PLIN2: variants seen among roughly 807,000 people sequenced by gnomAD.
PLIN2 encodes perilipin-2.
Under a neutral mutation model 30.6 loss-of-function variants are expected in PLIN2, and 33 were observed. The ratio of observed to expected loss-of-function variants is 1.08; its 90% confidence interval spans 0.82 to 1.44. PLIN2 has a LOEUF of 1.44. Ranked by LOEUF, PLIN2 falls within the 40% of genes most tolerant of loss-of-function variation. The pLI, the probability that PLIN2 is intolerant of heterozygous loss-of-function variation, is 0.00. For missense variants in PLIN2, 610 were observed against 531.8 expected, an observed-to-expected ratio of 1.15 and a Z score of -1.45; for synonymous variants, 205 against 201.1, an observed-to-expected ratio of 1.02 and a Z score of -0.16.
In PLIN2 at chr9:19,116,036, C is replaced by A; in HGVS notation, c.*212G>T. The A allele has an allele frequency of 2.1e-6, 1 of 465,258 alleles. No individual in the cohort carries two copies. Among genetic ancestry groups the A allele is most frequent in the Non-Finnish European group, 3.8e-6 (1 of 265,636 alleles). The allele number at this position is 465,258 out of a possible 1,614,324, so 28.8% of individuals were successfully genotyped here. A position where few individuals can be genotyped will look rare whatever the true frequency, so the allele number is the denominator to read the frequency against. ...TCTGAGTTCTGGCTATAGGCTCTGACAAGCCTATCATTCTTTTCTTACCAG... is the reference window on the plus strand; with the variant it reads ...TCTGAGTTCTGGCTATAGGCTCTGAAAAGCCTATCATTCTTTTCTTACCAG... On this transcript the variant is annotated 3_prime_UTR_variant, in exon 8 of 8. Transcript: ENST00000276914.
downstream of PLIN2, among the ~76,000 whole-genome samples, chr9:19,114,616 G>T (rs1383677241): frequency 6.6e-6 from 1 of 151,008 alleles, no homozygotes. Flanking sequence ...GTTGGTCAGG[G>T]TGGTGTCGAA....
At chr9:19,109,549 A>AG (rs1268074642) in intron 2 of PLIN2, among the ~76,000 whole-genome samples, 1 of 151,294 alleles carries the variant, frequency 6.6e-6, no homozygotes, top group Non-Finnish European at 1.5e-5. Context: ...TGAAAAAAAA[A>AG]AAAAAGAAAG....
At chr9:19,115,187 C>G (rs554505150), downstream of PLIN2, among the ~76,000 whole-genome samples, 23 of 152,250 alleles carry the variant, frequency 1.5e-4, 2 homozygotes, top group South Asian at 4.8e-3. Flanking sequence ...AGTTGGCAAA[C>G]AAAGAGGGCC....
Position 19,119,783 on chromosome 9 carries a change from C to T in PLIN2, c.644G>A (p.Ser215Asn), listed in dbSNP as rs531693327. 6.2e-7 allele frequency: 1 copy of T among 1,602,800 alleles called. No homozygotes were observed. Among genetic ancestry groups the T allele is most frequent in the East Asian group, 2.2e-5 (1 of 44,698 alleles). The stretch of plus-strand genomic sequence containing the variant: ...CAGGGATCCCAGTCTAACATAATAA[C>T]TTGGCTTCTGAACCAGATCAAATCC... ...VEGFDLVQKP[S>N]YYVRLGSLST... Residue 215 changes from serine (S) to asparagine (N), a missense_variant, in exon 6 of 8, where the codon AGT becomes AAT. Transcript: ENST00000276914.
chr9:19,126,262 A>ATAT lies in PLIN2; in HGVS notation c.77_78insATA (p.Thr25_Tyr26insTer), dbSNP rs1349828573. 1.2e-6 allele frequency: 2 copies of ATAT among 1,614,132 alleles called. No individual in the cohort carries two copies. The highest frequency in any genetic ancestry group is 2.7e-5 in the African/African-American group (2 of 75,044). On this transcript the variant is annotated stop_gained, in exon 3 of 8. Transcript: ENST00000276914. LOFTEE classifies it high-confidence loss of function. ...TGAGATAGGCTGAGGACATGAGGTCATACGTGGAGCTCACCAAGGGCAGGT... is the reference window on the plus strand; with the variant it reads ...TGAGATAGGCTGAGGACATGAGGTCATATTACGTGGAGCTCACCAAGGGCAGGT...
intron 4 of PLIN2, among the ~76,000 whole-genome samples, chr9:19,121,461 G>A (rs2131181664): frequency 7.1e-6 from 1 of 140,830 alleles, no homozygotes; most frequent in Admixed American, 7.5e-5. Context: ...ACTGCACTCA[G>A]CCTGGGTGAC....
chr9:19,119,969 C>T, intron 5 of PLIN2, 138 bp from the exon 6 acceptor site: 2 of 581,164 alleles, frequency 3.4e-6, no homozygotes, highest in East Asian at 2.7e-5. Context: ...TCCAAGACTG[C>T]TCACGTCTGC....
downstream of PLIN2, among the ~76,000 whole-genome samples, chr9:19,113,167 A>AC (rs1818179167): frequency 6.6e-6 from 1 of 151,856 alleles, no homozygotes; most frequent in South Asian, 2.1e-4. Context: ...ATGTGGTGAA[A>AC]CCCCATCTCT....
chr9:19,113,899 C>T (rs776824508), downstream of PLIN2, among the ~76,000 whole-genome samples: 8 of 151,806 alleles, frequency 5.3e-5, no homozygotes, highest in Non-Finnish European at 8.8e-5. Context: ...CTCAGCCTCC[C>T]GAGGAGCTGG....
At chr9:19,124,878 T>G (rs945145296) in intron 3 of PLIN2, among the ~76,000 whole-genome samples, 5 of 152,206 alleles carry the variant, frequency 3.3e-5, no homozygotes, top group Admixed American at 6.5e-5. Flanking sequence ...GACAGTAAAT[T>G]ACTATTCAAC....
chr9:19,117,486 T>C (rs374035345), intron 7 of PLIN2, among the ~76,000 whole-genome samples: 7 of 152,138 alleles, frequency 4.6e-5, no homozygotes, highest in African/African-American at 1.7e-4. Context: ...CTCTGGAACC[T>C]TGGTCACCTT....
chr9:19,119,797 C>G lies in PLIN2; in HGVS notation c.630G>C (p.Leu210=), dbSNP rs769719678. 1 of 1,574,592 alleles carries G rather than the reference C, an allele frequency of 6.4e-7. No individual in the cohort carries two copies. Among genetic ancestry groups the G allele is most frequent in the African/African-American group, 1.4e-5 (1 of 73,022 alleles). The change falls in exon 6 of 8, where the codon CTG becomes CTC. Residue 210 remains leucine, a synonymous_variant. Coordinates refer to ENST00000276914, the MANE Select transcript of PLIN2 (RefSeq NM_001122.4). The stretch of plus-strand genomic sequence containing the variant: ...TAACATAATAACTTGGCTTCTGAAC[C>G]AGATCAAATCCTTCAACTTTTTTTG... ...KEAKKVEGFD[L]VQKPSYYVRL...
chr9:19,126,547 G>C (rs1226176968), intron 1 of PLIN2, 99 bp from the exon 2 acceptor site: 4 of 783,746 alleles, frequency 5.1e-6, no homozygotes, highest in South Asian at 4.8e-5. Flanking sequence ...GAAAAATGCA[G>C]GGTGAGCTCC....
chr9:19,123,086 G>T, intron 4 of PLIN2: 1 of 422,098 alleles, frequency 2.4e-6, no homozygotes, highest in Non-Finnish European at 4.3e-6. Context: ...GTGCCATTCT[G>T]TATTCTTAAT....
At chr9:19,125,328 G>A (rs970832641) in intron 3 of PLIN2, among the ~76,000 whole-genome samples, 1 of 152,260 alleles carries the variant, frequency 6.6e-6, no homozygotes, top group African/African-American at 2.4e-5. Flanking sequence ...CGAGGCGGGC[G>A]GATCACCTGG....
At chr9:19,121,186 C>T in intron 4 of PLIN2, 21 bp from the exon 5 acceptor site, 1 of 1,610,354 alleles carries the variant, frequency 6.2e-7, no homozygotes, top group Non-Finnish European at 8.5e-7. Flanking sequence ...AAAAGCAGAT[C>T]CCCTGGCTGG....
chr9:19,119,890 C>A, intron 5 of PLIN2, 59 bp from the exon 6 acceptor site: 1 of 1,112,554 alleles, frequency 9.0e-7, no homozygotes. Flanking sequence ...AGTGATAAGG[C>A]CTGGACTCTA....
chr9:19,118,225 G>T, intron 7 of PLIN2, 96 bp downstream of exon 7: 1 of 1,209,828 alleles, frequency 8.3e-7, no homozygotes, highest in African/African-American at 1.5e-5. Flanking sequence ...TTTTGATAGA[G>T]AAGAGTATTC....
In PLIN2 at chr9:19,116,408, A is replaced by G. The variant is rs376080442; in HGVS notation, c.1154T>C (p.Leu385Ser). 6.2e-7 allele frequency: 1 copy of G among 1,614,118 alleles called. No individual in the cohort carries two copies. Among genetic ancestry groups the G allele is most frequent in the African/African-American group, 1.3e-5 (1 of 74,940 alleles). Residue 385 changes from leucine (L) to serine (S), a missense_variant, in exon 8 of 8, where the codon TTA (leucine) becomes TCA (serine). Transcript: ENST00000276914. ...KGQLQKMKES[L>S]DDVMDYLVNN... ...AACAAGATAATCCATCACGTCATCTAAAGATTCCTTCATTTTCTGCAGCTG... is the reference window on the plus strand; with the variant it reads ...AACAAGATAATCCATCACGTCATCTGAAGATTCCTTCATTTTCTGCAGCTG...
Sources: gnomAD v4.1 joint callset for allele counts (sites outside exome capture counted in the v4.1 genomes callset) on GRCh38, gnomAD v4.1.1 for gene constraint, MANE v1.5 for transcripts, NCBI Gene and HGNC (gene_info 2026-07-23, HGNC 2026-07-21) for gene names.